The following FANCD2 variants were observed in gnomAD, a reference collection of about 807,000 sequenced individuals.
The protein encoded by FANCD2 is FA complementation group D2.
In FANCD2, 131 loss-of-function variants were observed where a neutral mutation model predicts 192.3. The ratio of observed to expected loss-of-function variants is 0.68; its 90% confidence interval spans 0.59 to 0.79. The LOEUF is 0.79. FANCD2 is among the 30% of genes least tolerant of loss of function. FANCD2 has a pLI of 0.00. For synonymous variants in FANCD2, 524 were observed against 612.5 expected, an observed-to-expected ratio of 0.86 and a Z score of 2.13; for missense variants, 1,508 against 1,701.6, an observed-to-expected ratio of 0.89 and a Z score of 2.00.
intron 26 of FANCD2, among the ~76,000 whole-genome samples, chr3:10,069,210 G>A (rs1294142867): frequency 6.6e-6 from 1 of 152,062 alleles, no homozygotes; most frequent in African/African-American, 2.4e-5. Flanking sequence ...ACACCAAAGT[G>A]AAGAGACAGC....
chr3:10,040,279 G>A (rs1455543776), intron 9 of FANCD2: 9 of 333,842 alleles, frequency 2.7e-5, no homozygotes, highest in Non-Finnish European at 4.7e-5. Context: ...CTTGTGATCC[G>A]CCCTCCTCGG....
At chr3:10,031,335 C>T (rs934445507) in intron 2 of FANCD2, among the ~76,000 whole-genome samples, 1 of 152,022 alleles carries the variant, frequency 6.6e-6, no homozygotes. Flanking sequence ...AACCCCGTCT[C>T]TACTAAAAAT....
At chr3:10,050,393 G>A (rs1559380311) in intron 17 of FANCD2, among the ~76,000 whole-genome samples, 2 of 152,240 alleles carry the variant, frequency 1.3e-5, no homozygotes, top group East Asian at 3.9e-4. Flanking sequence ...GGGAGGCCAA[G>A]GCGGGCAAAT....
intron 14 of FANCD2, among the ~76,000 whole-genome samples, chr3:10,044,853 T>A (rs913104692): frequency 4.8e-4 from 73 of 152,230 alleles, no homozygotes; most frequent in Non-Finnish European, 9.1e-4. Flanking sequence ...CATACCTATT[T>A]TTACATATTT....
At chr3:10,085,650 G>T in intron 32 of FANCD2, 162 bp from the exon 33 acceptor site, 1 of 628,572 alleles carries the variant, frequency 1.6e-6, no homozygotes, top group South Asian at 1.5e-5. Context: ...TCAGCCTCCC[G>T]AAGTGCTGGG....
intron 20 of FANCD2, 80 bp downstream of exon 20, chr3:10,062,291 A>C: frequency 8.7e-7 from 1 of 1,154,592 alleles, no homozygotes. Context: ...CCCAACCTGC[A>C]GTGCAGTGGC....
At chr3:10,099,123 C>T in intron 43 of FANCD2, 1 of 1,486,628 alleles carries the variant, frequency 6.7e-7, no homozygotes. Context: ...AGGGAGAAGT[C>T]ATCGAAGTAT....
intron 25 of FANCD2, 108 bp downstream of exon 25, chr3:10,066,087 C>G (rs6769888): frequency 4.2e-6 from 3 of 722,838 alleles, no homozygotes; most frequent in Admixed American, 2.0e-5. Context: ...CACTAACCCC[C>G]GTGTGCTTCT....
intron 43 of FANCD2, 82 bp from the exon 44 acceptor site, chr3:10,101,106 G>C (rs996062177): frequency 2.9e-6 from 3 of 1,020,250 alleles, no homozygotes; most frequent in Non-Finnish European, 4.6e-6. Context: ...TAGTACAGTT[G>C]TGTATCCTCT....
chr3:10,098,722 T>A lies in FANCD2; in HGVS notation c.4188T>A (p.Gly1396=), dbSNP rs1249885397. The change falls in exon 43 of 44, where the codon GGT becomes GGA. Residue 1396 remains glycine, a splice_region_variant and synonymous_variant. Transcript: ENST00000675286. ...TTTCTTGGTCCATTCACATTTAGGG[T>A]GAAGAGATTAAGTCCCAAAATTCCC... is the stretch of plus-strand genomic sequence containing the variant. ...LGNLKNRDLQ[G]EEIKSQNSQE... 1 of 1,613,910 alleles carries A rather than the reference T, an allele frequency of 6.2e-7. No individual in the cohort carries two copies. Among genetic ancestry groups the A allele is most frequent in the East Asian group, 2.2e-5 (1 of 44,882 alleles).
chr3:10,026,702 G>C (rs1226480920), intron 1 of FANCD2: 2 of 152,048 alleles, frequency 1.3e-5, no homozygotes, highest in African/African-American at 2.4e-5. Context: ...AACTAATCCA[G>C]GCAGTCGGCC....
At chr3:10,094,500 C>A in intron 40 of FANCD2, 137 bp downstream of exon 40, 1 of 789,194 alleles carries the variant, frequency 1.3e-6, no homozygotes, top group Non-Finnish European at 2.2e-6. Flanking sequence ...CAGAGATCCC[C>A]AAATTGGACT....
chr3:10,092,331 C>A (rs139789014), intron 38 of FANCD2, 79 bp downstream of exon 38: 4 of 1,064,366 alleles, frequency 3.8e-6, no homozygotes. Context: ...ATGGACTTTC[C>A]TTGCTCCTCT....
At chr3:10,036,935 A>G (rs375595547) in intron 7 of FANCD2, among the ~76,000 whole-genome samples, 4 of 151,886 alleles carry the variant, frequency 2.6e-5, no homozygotes, top group East Asian at 3.9e-4. Flanking sequence ...TCCCAGGCTT[A>G]AGTGATCCTC....
intron 14 of FANCD2, among the ~76,000 whole-genome samples, chr3:10,045,361 G>T (rs1418732934): frequency 6.6e-6 from 1 of 151,858 alleles, no homozygotes; most frequent in Non-Finnish European, 1.5e-5. Context: ...GTGGAAATGG[G>T]GCTTCATCAT....
chr3:10,073,015 C>G lies in FANCD2; in HGVS notation c.2605+34C>G, dbSNP rs777012727. 4.8e-6 allele frequency: 6 copies of G among 1,254,034 alleles called. No individual in the cohort carries two copies. In the East Asian group the frequency reaches 1.2e-4, roughly 24 times the overall value. The allele number at this position is 1,254,034 out of a possible 1,614,324, so 77.7% of individuals were successfully genotyped here. On this transcript the variant is annotated intron_variant, in intron 27 of 43. Coordinates refer to ENST00000675286, the MANE Select transcript of FANCD2 (RefSeq NM_001018115.3). ...GTTCTTTTCCTCTTGTCTTGTGTCT[C>G]TAAATAAGCTTCATTGAATTAACCT...
rs1694142745 is a variant in FANCD2, at chr3:10,085,591, CG to C, written c.3225-220del. On this transcript the variant is annotated intron_variant, in intron 32 of 43. Transcript: ENST00000675286. ...ATTTTTAGTAGAGACGGGATTTCACCGTGTTGGCCAAGATGGTCTCCATGTG... is the reference window on the plus strand; with the variant it reads ...ATTTTTAGTAGAGACGGGATTTCACCTGTTGGCCAAGATGGTCTCCATGTG... 1.3e-5 allele frequency among the ~76,000 whole-genome samples: 2 copies of C among 151,916 alleles called. 1 individual carries two copies. Among genetic ancestry groups the C allele is most frequent in the South Asian group, 4.1e-4 (2 of 4,824 alleles).
chr3:10,069,579 A>T (rs1365002381), intron 26 of FANCD2, among the ~76,000 whole-genome samples: 1 of 149,108 alleles, frequency 6.7e-6, no homozygotes. Context: ...CTCCTGCCTC[A>T]GCCTGCCGAG....
chr3:10,042,730 C>A, intron 11 of FANCD2, 67 bp downstream of exon 11: 1 of 1,220,138 alleles, frequency 8.2e-7, no homozygotes, highest in Non-Finnish European at 1.2e-6. Flanking sequence ...TCTCTGTCCC[C>A]AGACTAACTG....
Sources: allele counts gnomAD v4.1 joint callset (sites outside exome capture counted in the v4.1 genomes callset), GRCh38; gene constraint gnomAD v4.1.1; transcripts MANE v1.5; gene names NCBI Gene and HGNC (gene_info 2026-07-23, HGNC 2026-07-21).